The following IMMP2L variants were observed in gnomAD, a reference collection of about 807,000 sequenced individuals.
IMMP2L encodes the protein inner mitochondrial membrane peptidase subunit 2, also known as mitochondrial inner membrane protease subunit 2.
A neutral mutation model predicts 19.3 loss-of-function variants in IMMP2L; 18 were observed. The observed-to-expected ratio is 0.93, with a 90% CI of 0.64 to 1.38. The LOEUF (loss-of-function observed/expected upper bound fraction) is 1.38. IMMP2L is among the 40% of genes most tolerant of loss of function. The pLI, the probability that IMMP2L is intolerant of heterozygous loss-of-function variation, is 0.00. For missense variants in IMMP2L, 233 were observed against 218.2 expected (o/e 1.07, Z -0.43); for synonymous variants, 76 against 73.0 (o/e 1.04, Z -0.21).
chr7:111,033,230 A>G (rs1401594116), intron 3 of IMMP2L, among the ~76,000 whole-genome samples: 1 of 152,240 alleles, frequency 6.6e-6, no homozygotes, highest in African/African-American at 2.4e-5. Context: ...TGAAATGTTC[A>G]ATATCATATG....
At chr7:110,957,214 T>C (rs1818442188) in intron 4 of IMMP2L, among the ~76,000 whole-genome samples, 1 of 151,944 alleles carries the variant, frequency 6.6e-6, no homozygotes, top group Non-Finnish European at 1.5e-5. Flanking sequence ...ACAACATTTA[T>C]TTGTAAATTC....
At chr7:111,531,837 A>AT (rs1265567410) in intron 1 of IMMP2L, among the ~76,000 whole-genome samples, 2 of 152,136 alleles carry the variant, frequency 1.3e-5, no homozygotes, top group Admixed American at 6.6e-5. Context: ...CCATAAGTCC[A>AT]TTTTTTCTTG....
At chr7:111,035,964 A>G in intron 3 of IMMP2L, among the ~76,000 whole-genome samples, 1 of 152,090 alleles carries the variant, frequency 6.6e-6, no homozygotes, top group East Asian at 1.9e-4. Flanking sequence ...TTACCTCACA[A>G]AGTTATTGTG....
intron 5 of IMMP2L, among the ~76,000 whole-genome samples, chr7:110,772,188 G>A (rs567633089): frequency 1.3e-5 from 2 of 152,230 alleles, no homozygotes; most frequent in South Asian, 4.1e-4. Flanking sequence ...TGCTCCTGAA[G>A]TATCCTTCTC....
intron 5 of IMMP2L, among the ~76,000 whole-genome samples, chr7:110,678,499 A>C (rs1792482636): frequency 6.6e-6 from 1 of 152,124 alleles, no homozygotes; most frequent in South Asian, 2.1e-4. Flanking sequence ...ACATAGGCTC[A>C]ATCCTAGGTG....
chr7:111,205,928 C>T (rs557614813), intron 3 of IMMP2L, among the ~76,000 whole-genome samples: 5 of 152,300 alleles, frequency 3.3e-5, no homozygotes, highest in Non-Finnish European at 7.3e-5. Flanking sequence ...ATAGAAGAAA[C>T]TGGCTGGAAG....
intron 3 of IMMP2L, among the ~76,000 whole-genome samples, chr7:111,423,460 A>G (rs895533924): frequency 6.6e-6 from 1 of 151,822 alleles, no homozygotes; most frequent in Non-Finnish European, 1.5e-5. Flanking sequence ...GTATGTTTCC[A>G]GGAATTTATC....
intron 3 of IMMP2L, among the ~76,000 whole-genome samples, chr7:110,968,464 G>T (rs1819789417): frequency 6.6e-6 from 1 of 152,094 alleles, no homozygotes; most frequent in African/African-American, 2.4e-5. Flanking sequence ...CTTGAGCCCA[G>T]AAGTTCGAGA....
At chr7:111,059,597 A>G (rs1028325149) in intron 3 of IMMP2L, among the ~76,000 whole-genome samples, 4 of 152,200 alleles carry the variant, frequency 2.6e-5, no homozygotes, top group African/African-American at 9.6e-5. Flanking sequence ...GGACTAAAAT[A>G]GTGGCTAAAA....
rs1271833676 is a variant in IMMP2L, at chr7:111,122,715, C to T, written c.240-159150G>A. On this transcript the variant is annotated intron_variant, in intron 3 of 5. Coordinates refer to ENST00000405709, the MANE Select transcript of IMMP2L (RefSeq NM_032549.4). ...TATCAATCAGCTCCTATTGAACTTA[C>T]TAGCACTGACTGTGGAATCCTTAAG... 4 of 1,355,968 alleles carry T rather than the reference C, an allele frequency of 2.9e-6. No individual in the cohort carries two copies. In the East Asian group the frequency reaches 6.9e-5, roughly 23 times the overall value. 84.0% of individuals were successfully genotyped at this position (1,355,968 alleles called of 1,614,324 possible). A position where few individuals can be genotyped will look rare whatever the true frequency, so the allele number is the denominator to read the frequency against.
chr7:111,506,397 C>CA (rs565764769), intron 2 of IMMP2L, among the ~76,000 whole-genome samples: 2 of 151,936 alleles, frequency 1.3e-5, no homozygotes, highest in South Asian at 4.2e-4. Flanking sequence ...CCCAAAACTA[C>CA]ATCCATATCT....
chr7:111,523,483 A>C (rs1846545029), intron 1 of IMMP2L, among the ~76,000 whole-genome samples: 1 of 152,090 alleles, frequency 6.6e-6, no homozygotes, highest in South Asian at 2.1e-4. Flanking sequence ...TCACAGGAAA[A>C]AGATGAATGA....
intron 4 of IMMP2L, among the ~76,000 whole-genome samples, chr7:110,922,526 CA>C (rs1182434283): frequency 1.3e-4 from 19 of 151,978 alleles, no homozygotes; most frequent in Non-Finnish European, 2.5e-4. Context: ...TATCTAAATC[CA>C]CTTGACATAA....
intron 3 of IMMP2L, among the ~76,000 whole-genome samples, chr7:111,091,857 G>T (rs1317797183): frequency 6.6e-6 from 1 of 151,944 alleles, no homozygotes; most frequent in East Asian, 1.9e-4. Context: ...AGAAGGAGAT[G>T]GGGAAGAGAG....
At chr7:111,503,630 G>A (rs1244269005) in intron 2 of IMMP2L, among the ~76,000 whole-genome samples, 6 of 152,102 alleles carry the variant, frequency 3.9e-5, no homozygotes, top group Non-Finnish European at 8.8e-5. Flanking sequence ...CCATGATCAA[G>A]TGGGCTTCAT....
intron 5 of IMMP2L, among the ~76,000 whole-genome samples, chr7:110,876,191 A>G (rs1169999516): frequency 2.6e-5 from 4 of 152,154 alleles, no homozygotes; most frequent in Admixed American, 6.6e-5. Context: ...ATGCTTTTCT[A>G]TCAGATGGTT....
intron 3 of IMMP2L, among the ~76,000 whole-genome samples, chr7:111,118,578 T>G (rs2129586674): frequency 6.6e-6 from 1 of 152,074 alleles, no homozygotes; most frequent in Admixed American, 6.6e-5. Context: ...TGGAGATTAA[T>G]GTACCTCACC....
chr7:110,969,397 T>G (rs1253299000), intron 3 of IMMP2L, among the ~76,000 whole-genome samples: 4 of 152,192 alleles, frequency 2.6e-5, no homozygotes, highest in South Asian at 2.1e-4. Context: ...TAGTTGTTTT[T>G]GGGGTTCATT....
intron 4 of IMMP2L, among the ~76,000 whole-genome samples, chr7:110,944,907 T>A (rs1325465613): frequency 1.3e-5 from 2 of 151,944 alleles, no homozygotes; most frequent in Admixed American, 1.3e-4. Context: ...ATGTTTTCTG[T>A]CCTTTGCTCT....
Sources: allele counts gnomAD v4.1 joint callset (sites outside exome capture counted in the v4.1 genomes callset), GRCh38; gene constraint gnomAD v4.1.1; transcripts MANE v1.5; gene names NCBI Gene and HGNC (gene_info 2026-07-23, HGNC 2026-07-21).